The following MAST2 variants were observed in gnomAD, a reference collection of about 807,000 sequenced individuals.
MAST2 encodes the protein microtubule associated serine/threonine kinase 2.
Under a neutral mutation model 147.4 loss-of-function variants are expected in MAST2, and 70 were observed. The ratio of observed to expected loss-of-function variants is 0.47; its 90% CI spans 0.39 to 0.58. The LOEUF (loss-of-function observed/expected upper bound fraction) is 0.58, where lower values mean the gene tolerates loss of function less well. Ranked by LOEUF, MAST2 falls within the 20% of genes least tolerant of loss-of-function variation. The pLI is 0.00. For synonymous variants in MAST2, 869 were observed against 896.8 expected (o/e 0.97, Z 0.55); for missense variants, 2,080 against 2,302.3 (o/e 0.90, Z 1.98).
intron 5 of MAST2, among the ~76,000 whole-genome samples, chr1:45,973,321 C>T (rs537872901): frequency 6.6e-6 from 1 of 152,108 alleles, no homozygotes; most frequent in South Asian, 2.1e-4. Context: ...TACTTTAGAC[C>T]TTGTCTCCAT....
chr1:45,937,713 C>T (rs867578069), intron 4 of MAST2, among the ~76,000 whole-genome samples: 153 of 127,026 alleles, frequency 1.2e-3, no homozygotes, highest in African/African-American at 4.4e-3. Context: ...GATCACACCA[C>T]TGTACTCCAG....
intron 3 of MAST2, among the ~76,000 whole-genome samples, chr1:45,838,483 A>G (rs1255263824): frequency 6.6e-6 from 1 of 152,024 alleles, no homozygotes; most frequent in Non-Finnish European, 1.5e-5. Context: ...TAGGCTTTCC[A>G]AAGTGCTGGG....
intron 9 of MAST2, among the ~76,000 whole-genome samples, chr1:46,009,245 G>A (rs1571190540): frequency 6.6e-6 from 1 of 152,068 alleles, no homozygotes; most frequent in East Asian, 1.9e-4. Flanking sequence ...AGTAGAGATG[G>A]GTTTTGCCAT....
intron 5 of MAST2, among the ~76,000 whole-genome samples, chr1:45,982,551 G>T (rs1644453578): frequency 6.6e-6 from 1 of 152,180 alleles, no homozygotes; most frequent in Admixed American, 6.5e-5. Context: ...ACACAGGAGG[G>T]TGACACTCCC....
intron 5 of MAST2, among the ~76,000 whole-genome samples, chr1:45,984,039 A>G (rs1190916143): frequency 1.3e-5 from 2 of 152,220 alleles, no homozygotes; most frequent in South Asian, 2.1e-4. Context: ...TGGTAAGTCT[A>G]TCATTTGAAA....
At chr1:45,867,187 G>T (rs1191608737) in intron 3 of MAST2, among the ~76,000 whole-genome samples, 1 of 152,174 alleles carries the variant, frequency 6.6e-6, no homozygotes, top group Non-Finnish European at 1.5e-5. Context: ...ATAATATAAA[G>T]ATTTAAAGGT....
Position 46,022,960 on chromosome 1 carries a change from G to T in MAST2, c.1474G>T (p.Asp492Tyr). The change falls in exon 13 of 29, where the codon GAT becomes TAT. Residue 492 changes from aspartate (D) to tyrosine (Y), a missense_variant. Asp to Tyr is a radical substitution (Grantham distance 160). This residue lies in a region of MAST2 where 569 missense variants were observed against 642.5 expected (regional missense o/e 0.89). Transcript: ENST00000361297. ...CAGTCCTGACACTCCAGAGACAGATGATTCTATTGAGGTAAAAACCCTGAG... is the reference window on the plus strand; with the variant it reads ...CAGTCCTGACACTCCAGAGACAGATTATTCTATTGAGGTAAAAACCCTGAG... ...CDSPDTPETD[D>Y]SIEGHGASLP... The T allele has an allele frequency of 6.2e-7, 1 of 1,614,100 alleles. No homozygotes were observed. The highest frequency in any genetic ancestry group is 8.5e-7 in the Non-Finnish European group (1 of 1,179,972).
At chr1:46,012,836 GCCAGGCATTTCA>G (rs1269616593) in intron 10 of MAST2, among the ~76,000 whole-genome samples, 1 of 151,938 alleles carries the variant, frequency 6.6e-6, no homozygotes, top group African/African-American at 2.4e-5. Context: ...CTCTACACTA[GCCAGGCATTTCA>G]CCATGTTGGC....
intron 4 of MAST2, among the ~76,000 whole-genome samples, chr1:45,956,065 G>T (rs996235567): frequency 6.6e-6 from 1 of 152,102 alleles, no homozygotes; most frequent in Non-Finnish European, 1.5e-5. Context: ...TGTCACTATA[G>T]ATTAGTTAGC....
chr1:45,999,665 T>C (rs1645194199), intron 6 of MAST2, among the ~76,000 whole-genome samples: 1 of 152,352 alleles, frequency 6.6e-6, no homozygotes, highest in Non-Finnish European at 1.5e-5. Context: ...TGCTGTTCCC[T>C]CAGATCTTCA....
intron 3 of MAST2, among the ~76,000 whole-genome samples, chr1:45,869,160 A>G (rs747846020): frequency 2.6e-5 from 4 of 152,086 alleles, no homozygotes; most frequent in East Asian, 1.9e-4. Flanking sequence ...TTTTCTACCT[A>G]TCAACCTTCT....
intron 4 of MAST2, among the ~76,000 whole-genome samples, chr1:45,930,387 GT>G (rs916477476): frequency 4.1e-5 from 4 of 98,742 alleles, no homozygotes; most frequent in East Asian, 5.9e-4. Context: ...CCTGTTTTTT[GT>G]TTTTTTTGTT....
chr1:46,023,033 G>T lies in MAST2; in HGVS notation c.1485+62G>T. On this transcript the variant is annotated intron_variant, in intron 13 of 28. Coordinates refer to ENST00000361297, the MANE Select transcript of MAST2 (RefSeq NM_015112.3). The surrounding 1 kb of genome is among the most constrained non-coding windows in gnomAD (Gnocchi z 4.9). Reference sequence around the variant, plus strand: ...TGGGCCCTATGAAGCAAAGAGCTATGAATTCTCTTTAAGAGAATATCTGAG... The same window carrying T: ...TGGGCCCTATGAAGCAAAGAGCTATTAATTCTCTTTAAGAGAATATCTGAG... 1.3e-6 allele frequency: 2 copies of T among 1,496,314 alleles called. No homozygotes were observed. The highest frequency in any genetic ancestry group is 1.9e-6 in the Non-Finnish European group (2 of 1,076,242). 92.7% of individuals were successfully genotyped at this position (1,496,314 alleles called of 1,614,324 possible).
chr1:45,878,203 CA>C (rs34794896), intron 3 of MAST2, among the ~76,000 whole-genome samples: 25,432 of 114,772 alleles, frequency 0.22, 1,949 homozygotes, highest in Non-Finnish European at 0.27. Context: ...GGCTCTATCT[CA>C]AAAAAAAAAA....
At chr1:45,980,777 C>G (rs1644374903) in intron 5 of MAST2, among the ~76,000 whole-genome samples, 1 of 152,162 alleles carries the variant, frequency 6.6e-6, no homozygotes, top group Non-Finnish European at 1.5e-5. Context: ...CTGAAGTGAT[C>G]CTCCTGCCTT....
In MAST2 at chr1:45,968,562, G is replaced by A. The variant is rs571749981; in HGVS notation, c.592+9085G>A. On this transcript the variant is annotated intron_variant, in intron 5 of 28. Coordinates refer to ENST00000361297, the MANE Select transcript of MAST2 (RefSeq NM_015112.3). The stretch of plus-strand genomic sequence containing the variant: ...TTGTGCGGTTTGTGAGAAGTTGGAT[G>A]TAATTCTTGTCTTCGCTCCTCTGAA... 4.1e-4 allele frequency among the ~76,000 whole-genome samples: 62 copies of A among 151,772 alleles called. 1 individual carries two copies. The South Asian group carries it at 6.2e-3, about 15-fold the overall frequency.
chr1:45,977,316 G>A (rs1258496181), intron 5 of MAST2, among the ~76,000 whole-genome samples: 4 of 149,834 alleles, frequency 2.7e-5, no homozygotes, highest in African/African-American at 4.9e-5. Context: ...GGTGAAACCC[G>A]GTCTCTACTA....
At chr1:45,950,458 C>T (rs1658766909) in intron 4 of MAST2, among the ~76,000 whole-genome samples, 1 of 152,142 alleles carries the variant, frequency 6.6e-6, no homozygotes, top group Non-Finnish European at 1.5e-5. Flanking sequence ...TTAATCTCAT[C>T]TGGATTTTAA....
At position 46,031,602 on chromosome 1, in the gene MAST2, G is replaced by C. The variant is rs371796905; in HGVS notation, c.3187+17G>C. 5 of 1,602,956 alleles carry C rather than the reference G, an allele frequency of 3.1e-6. No individual in the cohort carries two copies. The African/African-American group carries it at 6.7e-5, about 21-fold the overall frequency. ...TTCCTTCGGGTGAGGCCCCTGGGGAGCTGGGATAAAACTCACAGGAAGGGC... is the reference window on the plus strand; with the variant it reads ...TTCCTTCGGGTGAGGCCCCTGGGGACCTGGGATAAAACTCACAGGAAGGGC... On this transcript the variant is annotated intron_variant, in intron 24 of 28. Coordinates refer to ENST00000361297, the MANE Select transcript of MAST2 (RefSeq NM_015112.3). The surrounding 1 kb of genome is among the most constrained non-coding windows in gnomAD (Gnocchi z 4.1).
Sources: allele counts gnomAD v4.1 joint callset (sites outside exome capture counted in the v4.1 genomes callset), GRCh38; gene constraint gnomAD v4.1.1; regional missense constraint gnomAD v4.1.1; non-coding constraint Gnocchi (gnomAD v3.1); transcripts MANE v1.5; gene names NCBI Gene and HGNC (gene_info 2026-07-23, HGNC 2026-07-21).